HNRNPF: variants seen among roughly 807,000 people sequenced by gnomAD.
The protein encoded by HNRNPF is heterogeneous nuclear ribonucleoprotein F.
HNRNPF carries 2 observed loss-of-function variants against 26.0 expected under a neutral mutation model. The observed-to-expected ratio is 0.08, with a 90% CI of 0.03 to 0.24. HNRNPF has a LOEUF of 0.24. Ranked by LOEUF, HNRNPF falls within the 10% of genes least tolerant of loss-of-function variation. The probability of loss-of-function intolerance (pLI) is 1.00; values close to 1 mark genes in which losing one functional copy is unlikely to be tolerated. For missense variants in HNRNPF, 299 were observed against 539.2 expected, an observed-to-expected ratio of 0.55 and a Z score of 4.41; for synonymous variants, 234 against 211.5, an observed-to-expected ratio of 1.11 and a Z score of -0.92.
intron 1 of HNRNPF, among the ~76,000 whole-genome samples, chr10:43,406,704 A>G (rs895488564): frequency 2.0e-5 from 3 of 151,870 alleles, no homozygotes; most frequent in African/African-American, 7.3e-5. Context: ...AAAATAATAC[A>G]TATTTTTTTA....
intron 3 of HNRNPF, among the ~76,000 whole-genome samples, chr10:43,392,665 T>C (rs1838300056): frequency 6.6e-6 from 1 of 152,238 alleles, no homozygotes; most frequent in Non-Finnish European, 1.5e-5. Flanking sequence ...TTCACTCCTG[T>C]TGGCAATTAC....
chr10:43,392,265 GCA>G (rs1249197992), intron 3 of HNRNPF, among the ~76,000 whole-genome samples: 2 of 152,134 alleles, frequency 1.3e-5, no homozygotes, highest in African/African-American at 4.8e-5. Context: ...AATTGGCCGG[GCA>G]CAGTGCCTCA....
At chr10:43,389,767 G>A (rs1369811578) in intron 3 of HNRNPF, among the ~76,000 whole-genome samples, 2 of 152,192 alleles carry the variant, frequency 1.3e-5, no homozygotes, top group Non-Finnish European at 2.9e-5. Context: ...GAATGCAAGG[G>A]CTTTCAAAGT....
intron 2 of HNRNPF, 125 bp downstream of exon 2, chr10:43,396,331 G>C (rs1277587726): frequency 6.6e-6 from 1 of 152,320 alleles, no homozygotes; most frequent in Admixed American, 6.5e-5. Context: ...CCGGGAAACC[G>C]GGCAGCACTC....
At chr10:43,395,969 T>C (rs1838482500) in intron 2 of HNRNPF, among the ~76,000 whole-genome samples, 1 of 152,180 alleles carries the variant, frequency 6.6e-6, no homozygotes, top group African/African-American at 2.4e-5. Context: ...CGGGGAGGGC[T>C]GCTCAGCTCC....
At position 43,386,856 on chromosome 10, in the gene HNRNPF, T is replaced by A; in HGVS notation, c.1029A>T (p.Ala343=). Residue 343 remains alanine, a synonymous_variant, in exon 4 of 4, where the codon GCA becomes GCT. Transcript: ENST00000682386. ...VEFATHEEAV[A]AMSKDRANMQ... is the part of the protein sequence containing the mutation. The stretch of plus-strand genomic sequence containing the variant: ...TATTGGCCCTGTCTTTGGACATAGC[T>A]GCCACAGCTTCTTCATGAGTAGCAA... 1 of 1,614,246 alleles carries A rather than the reference T, an allele frequency of 6.2e-7. No homozygotes were observed. Among genetic ancestry groups the A allele is most frequent in the Non-Finnish European group, 8.5e-7 (1 of 1,180,036 alleles).
chr10:43,400,218 A>G (rs891461205), intron 1 of HNRNPF, among the ~76,000 whole-genome samples: 4 of 152,220 alleles, frequency 2.6e-5, no homozygotes, highest in African/African-American at 9.7e-5. Context: ...GGGAAAAAAA[A>G]GAAGTTAAAA....
rs1838079106 is a variant in HNRNPF, at chr10:43,387,607, A to T, written c.278T>A (p.Met93Lys). 2.5e-6 allele frequency: 4 copies of T among 1,613,714 alleles called. No homozygotes were observed. In the South Asian group the frequency reaches 4.4e-5, roughly 18 times the overall value. Residue 93 changes from methionine (M) to lysine (K), a missense_variant, in exon 4 of 4, where the codon ATG becomes AAG. Met to Lys is a moderately conservative substitution (Grantham distance 95). Transcript: ENST00000682386. This position sits in a 1 kb window ranked among gnomAD's most constrained non-coding sequence, Gnocchi z 6.0. ...ACCACTGTGCTTCAACACCCAATCC[A>T]TCTCGGTTCTGTGGGACTTGAACAC... The part of the protein sequence containing the change: ...IEVFKSHRTE[M>K]DWVLKHSGPN...
chr10:43,398,026 T>C (rs1210558053), intron 1 of HNRNPF, among the ~76,000 whole-genome samples: 1 of 152,216 alleles, frequency 6.6e-6, no homozygotes, highest in Non-Finnish European at 1.5e-5. Context: ...CTGTTTTGTT[T>C]GTTTGGTTGG....
chr10:43,392,137 C>T (rs1055335777), intron 3 of HNRNPF, among the ~76,000 whole-genome samples: 3 of 152,184 alleles, frequency 2.0e-5, no homozygotes, highest in African/African-American at 7.2e-5. Flanking sequence ...AGCGCAGTGG[C>T]TCACGCCTGT....
chr10:43,397,370 C>A (rs888001167), intron 1 of HNRNPF: 1 of 152,352 alleles, frequency 6.6e-6, no homozygotes, highest in Admixed American at 6.5e-5. Context: ...GCCCCGTGGC[C>A]CGCGCGCTGG....
At chr10:43,406,634 G>C (rs767897915) in intron 1 of HNRNPF, among the ~76,000 whole-genome samples, 26 of 151,716 alleles carry the variant, frequency 1.7e-4, no homozygotes, top group Non-Finnish European at 2.9e-4. Flanking sequence ...GATCTCGGCA[G>C]CGAGCCGAGA....
intron 1 of HNRNPF, among the ~76,000 whole-genome samples, chr10:43,397,849 G>A (rs973547752): frequency 2.0e-5 from 3 of 152,100 alleles, no homozygotes; most frequent in Admixed American, 2.0e-4. Context: ...CCTTTTTAGA[G>A]CCACAAATAT....
chr10:43,389,817 G>A (rs1838172599), intron 3 of HNRNPF, among the ~76,000 whole-genome samples: 1 of 152,214 alleles, frequency 6.6e-6, no homozygotes, highest in South Asian at 2.1e-4. Context: ...GCTAATGAGA[G>A]TGGAACATGG....
chr10:43,406,916 T>G (rs1380943731), intron 1 of HNRNPF, among the ~76,000 whole-genome samples: 3 of 152,142 alleles, frequency 2.0e-5, no homozygotes, highest in Non-Finnish European at 2.9e-5. Context: ...TTCATTAAAG[T>G]AGTAATGTCT....
chr10:43,388,257 A>C (rs902596087), intron 3 of HNRNPF, among the ~76,000 whole-genome samples: 1 of 152,230 alleles, frequency 6.6e-6, no homozygotes, highest in Non-Finnish European at 1.5e-5. Context: ...CAGTTCACCT[A>C]TAAGAGCTCC....
chr10:43,396,699 TGACGG>T (rs1156346273), intron 1 of HNRNPF, 109 bp from the exon 2 acceptor site: 3 of 151,380 alleles, frequency 2.0e-5, no homozygotes, highest in Non-Finnish European at 2.9e-5. Context: ...CGAGACAAGG[TGACGG>T]CGACGTTCCC....
At chr10:43,395,910 G>A (rs1838474715) in intron 2 of HNRNPF, among the ~76,000 whole-genome samples, 1 of 152,188 alleles carries the variant, frequency 6.6e-6, no homozygotes, top group Non-Finnish European at 1.5e-5. Flanking sequence ...AACGCACGCA[G>A]AGGAAGAGTC....
At chr10:43,391,606 ACCT>A (rs767487849) in intron 3 of HNRNPF, among the ~76,000 whole-genome samples, 100 of 152,018 alleles carry the variant, frequency 6.6e-4, no homozygotes, top group Non-Finnish European at 1.2e-3. Context: ...ACAGACTCTC[ACCT>A]CCTCTCCAGC....
Sources: gnomAD v4.1 joint callset for allele counts (sites outside exome capture counted in the v4.1 genomes callset) on GRCh38, gnomAD v4.1.1 for gene constraint, Gnocchi (gnomAD v3.1) non-coding constraint, MANE v1.5 for transcripts, NCBI Gene and HGNC (gene_info 2026-07-23, HGNC 2026-07-21) for gene names.